CA11: variants seen among roughly 807,000 people sequenced by gnomAD.
CA11 encodes carbonic anhydrase 11 (inactive), also known as carbonic anhydrase-related protein 11.
A neutral mutation model predicts 39.3 loss-of-function variants in CA11; 20 were observed. The ratio of observed to expected loss-of-function variants is 0.51; its 90% CI spans 0.36 to 0.74. CA11 has a LOEUF of 0.74. Ranked by LOEUF, CA11 falls within the 30% of genes least tolerant of loss-of-function variation. CA11 has a pLI of 0.00. For synonymous variants in CA11, 166 were observed against 172.5 expected, an observed-to-expected ratio of 0.96 and a Z score of 0.29; for missense variants, 336 against 424.6, an observed-to-expected ratio of 0.79 and a Z score of 1.83.
rs1327573610 is a variant in CA11 at position 48,642,851 on chromosome 19, G to T, written c.285+1576C>A. On this transcript the variant is annotated intron_variant, in intron 3 of 8. Coordinates refer to ENST00000084798, the MANE Select transcript of CA11 (RefSeq NM_001217.5). Reference sequence around the variant, plus strand: ...AAGAACATGGATTGGAAATGGACATGAGGGAGAGAGGATAGGATGGGGAAT... The same window carrying T: ...AAGAACATGGATTGGAAATGGACATTAGGGAGAGAGGATAGGATGGGGAAT... Among the ~76,000 whole-genome samples the T allele has an allele frequency of 2.6e-5, 4 of 152,170 alleles. No individual in the cohort carries two copies. The East Asian group carries it at 7.7e-4, about 29-fold the overall frequency.
chr19:48,644,676 G>A (rs977665009), intron 2 of CA11, 107 bp from the exon 3 acceptor site: 8 of 957,992 alleles, frequency 8.4e-6, no homozygotes, highest in Non-Finnish European at 1.2e-5. Flanking sequence ...GATCCCAGGG[G>A]AGGAGGGGCT....
intron 3 of CA11, among the ~76,000 whole-genome samples, chr19:48,642,074 GTGGCC>G (rs1168557912): frequency 6.6e-6 from 1 of 152,142 alleles, no homozygotes; most frequent in Non-Finnish European, 1.5e-5. Context: ...AGGCCCTGAG[GTGGCC>G]TGTTTGAGTA....
Position 48,640,138 on chromosome 19 carries a change from G to A in CA11, c.428C>T (p.Ala143Val), listed in dbSNP as rs1337050100. 6.2e-7 allele frequency: 1 copy of A among 1,614,014 alleles called. No homozygotes were observed. The highest frequency in any genetic ancestry group is 2.2e-5 in the East Asian group (1 of 44,866). ...LRLLFGARDG[A>V]GSEHQINHQG... ...GTGGTTGATCTGATGTTCCGAGCCG[G>A]CTCCGTCGCGAGCTCCAAACAGCAG... Residue 143 changes from alanine to valine, a missense_variant, in exon 4 of 9, where the codon GCC (alanine) becomes GTC (valine). Transcript: ENST00000084798.
intron 7 of CA11, 60 bp from the exon 8 acceptor site, chr19:48,639,113 C>T (rs2030971380): frequency 2.5e-6 from 4 of 1,598,206 alleles, no homozygotes; most frequent in African/African-American, 2.7e-5. Flanking sequence ...GGTGACGTCA[C>T]GCAGGAAACC....
chr19:48,641,968 AG>A (rs948961511), intron 3 of CA11, among the ~76,000 whole-genome samples: 1 of 151,856 alleles, frequency 6.6e-6, no homozygotes, highest in Non-Finnish European at 1.5e-5. Flanking sequence ...ACCTGGCCAA[AG>A]GTGACATTTT....
At chr19:48,644,784 C>T (rs769408171) in intron 2 of CA11, among the ~76,000 whole-genome samples, 7 of 152,044 alleles carry the variant, frequency 4.6e-5, no homozygotes, top group Non-Finnish European at 1.0e-4. Context: ...TTAGCAGAGA[C>T]GGGTTTCACC....
At chr19:48,640,044 T>C (rs773500186) in intron 4 of CA11, 51 bp downstream of exon 4, 2 of 1,581,590 alleles carry the variant, frequency 1.3e-6, no homozygotes, top group Non-Finnish European at 1.7e-6. Context: ...GTGGGAGGAA[T>C]TGGGGTGACT....
intron 3 of CA11, among the ~76,000 whole-genome samples, chr19:48,641,048 C>A (rs1040486699): frequency 1.3e-5 from 2 of 149,508 alleles, no homozygotes; most frequent in East Asian, 3.9e-4. Context: ...GGTGAGATCT[C>A]GCCTCACTGC....
chr19:48,640,146 G>T lies in CA11; in HGVS notation c.420C>A (p.Arg140=). Reference sequence around the variant, plus strand: ...TCTGATGTTCCGAGCCGGCTCCGTCGCGAGCTCCAAACAGCAGCCGCAGTT... The same window carrying T: ...TCTGATGTTCCGAGCCGGCTCCGTCTCGAGCTCCAAACAGCAGCCGCAGTT... ...LSELRLLFGA[R]DGAGSEHQIN... Residue 140 remains arginine, a synonymous_variant, in exon 4 of 9, where the codon CGC becomes CGA. Transcript: ENST00000084798. The T allele has an allele frequency of 6.2e-7, 1 of 1,614,006 alleles. No homozygotes were observed. The highest frequency in any genetic ancestry group is 8.5e-7 in the Non-Finnish European group (1 of 1,179,976).
At position 48,638,946 on chromosome 19, in the gene CA11, G is replaced by C. The variant is rs752734385; in HGVS notation, c.903C>G (p.Gly301=). 1.9e-6 allele frequency: 3 copies of C among 1,610,616 alleles called. No individual in the cohort carries two copies. The South Asian group carries it at 3.3e-5, about 18-fold the overall frequency. Residue 301 remains glycine, a synonymous_variant, in exon 8 of 9, where the codon GGC becomes GGG. Coordinates refer to ENST00000084798, the MANE Select transcript of CA11 (RefSeq NM_001217.5). The stretch of plus-strand genomic sequence containing the variant: ...TCTCGGGGTGCCGGGGGTCCCTGTT[G>C]CCCCTCAGTGCCCTGTGGGCCAAGG... ...LQPLAHRALR[G]NRDPRHPERR...
Position 48,640,103 on chromosome 19 carries a change from A to G in CA11, c.463T>C (p.Ser155Pro). ...SEHQINHQGF[S>P]AEVQLIHFNQ... ...CAATCAGTGGCCACTACCTCAGCAG[A>G]GAAGCCCTGGTGGTTGATCTGATGT... The change falls in exon 4 of 9, where the codon TCT becomes CCT. Residue 155 changes from serine to proline, a missense_variant. Coordinates refer to ENST00000084798, the MANE Select transcript of CA11 (RefSeq NM_001217.5). 1 of 1,613,206 alleles carries G rather than the reference A, an allele frequency of 6.2e-7. No homozygotes were observed. The highest frequency in any genetic ancestry group is 8.5e-7 in the Non-Finnish European group (1 of 1,179,372).
At chr19:48,644,406 T>C in intron 3 of CA11, 21 bp downstream of exon 3, 2 of 1,550,594 alleles carry the variant, frequency 1.3e-6, no homozygotes, top group Non-Finnish European at 1.8e-6. Context: ...GTTCAATAGC[T>C]CCTCCCTCCA....
At chr19:48,640,477 C>T (rs1326737178) in intron 3 of CA11, among the ~76,000 whole-genome samples, 197 bp from the exon 4 acceptor site, 5 of 146,502 alleles carry the variant, frequency 3.4e-5, no homozygotes, top group African/African-American at 1.3e-4. Context: ...CGGGTTCAAG[C>T]GATTCTCCTG....
chr19:48,641,914 C>T (rs1469493554), intron 3 of CA11, among the ~76,000 whole-genome samples: 1 of 150,500 alleles, frequency 6.6e-6, no homozygotes. Context: ...ATCATCCTGC[C>T]TTAGCCTCTG....
chr19:48,644,414 C>G lies in CA11; in HGVS notation c.285+13G>C. ...CCAGTGGGTTCAATAGCTCCTCCCT[C>G]CAAGCCCCTTACCTTCTCTCCTCCA... On this transcript the variant is annotated intron_variant, in intron 3 of 8. Coordinates refer to ENST00000084798, the MANE Select transcript of CA11 (RefSeq NM_001217.5). 6.4e-7 allele frequency: 1 copy of G among 1,572,136 alleles called. No individual in the cohort carries two copies. The highest frequency in any genetic ancestry group is 8.7e-7 in the Non-Finnish European group (1 of 1,155,388).
chr19:48,639,011 T>G lies in CA11; in HGVS notation c.838A>C (p.Ile280Leu). 6.2e-7 allele frequency: 1 copy of G among 1,613,876 alleles called. No homozygotes were observed. The highest frequency in any genetic ancestry group is 8.5e-7 in the Non-Finnish European group (1 of 1,179,940). ...CTGTTACCGCTGAGGCTCTGGAAGA[T>G]CTGAGATGGAGGATTCTGGCTCAGG... ...RLLSQNPPSQ[I>L]FQSLSGNSRP... The change falls in exon 8 of 9, where the codon ATC (isoleucine) becomes CTC (leucine). Residue 280 changes from isoleucine (I) to leucine (L), a missense_variant. Transcript: ENST00000084798.
rs1453407282 is a variant in CA11, at chr19:48,638,937, G to A, written c.912C>T (p.Asp304=). ...LAHRALRGNR[D]PRHPERRCRG... ...GGCAGCGCCTCTCGGGGTGCCGGGG[G>A]TCCCTGTTGCCCCTCAGTGCCCTGT... is the stretch of plus-strand genomic sequence containing the variant. Residue 304 remains aspartate (D), a synonymous_variant, in exon 8 of 9, where the codon GAC becomes GAT. Transcript: ENST00000084798. The A allele has an allele frequency of 6.2e-7, 1 of 1,609,954 alleles. No individual in the cohort carries two copies. Among genetic ancestry groups the A allele is most frequent in the Non-Finnish European group, 8.5e-7 (1 of 1,178,758 alleles).
intron 2 of CA11, 124 bp from the exon 3 acceptor site, chr19:48,644,693 CTAGA>C (rs1158961708): frequency 2.8e-6 from 2 of 720,544 alleles, no homozygotes; most frequent in Non-Finnish European, 4.2e-6. Flanking sequence ...GGCTAGGGAC[CTAGA>C]CTCCTGGGTC....
In CA11 at chr19:48,638,003, A is replaced by G. The variant is rs993502169; in HGVS notation, c.*116T>C. 2 of 690,446 alleles carry G rather than the reference A, an allele frequency of 2.9e-6. No homozygotes were observed. Among genetic ancestry groups the G allele is most frequent in the African/African-American group, 3.7e-5 (2 of 53,420 alleles). 42.8% of individuals were successfully genotyped at this position (690,446 alleles called of 1,614,324 possible). Reference sequence around the variant, plus strand: ...ATGTTTCCCCACCGCGCCTAGAATCAGACCACTGAGAAAACAGGAAGTATT... The same window carrying G: ...ATGTTTCCCCACCGCGCCTAGAATCGGACCACTGAGAAAACAGGAAGTATT... On this transcript the variant is annotated 3_prime_UTR_variant, in exon 9 of 9. Transcript: ENST00000084798.
Sources: allele counts gnomAD v4.1 joint callset (sites outside exome capture counted in the v4.1 genomes callset), GRCh38; gene constraint gnomAD v4.1.1; transcripts MANE v1.5; gene names NCBI Gene and HGNC (gene_info 2026-07-23, HGNC 2026-07-21).